TCAIM: variants seen among roughly 807,000 people sequenced by gnomAD.
TCAIM encodes T cell activation inhibitor, mitochondrial, also known as T-cell activation inhibitor, mitochondrial.
TCAIM carries 36 observed loss-of-function variants against 58.6 expected under a neutral mutation model. The observed-to-expected ratio is 0.61, with a 90% confidence interval of 0.47 to 0.81. The LOEUF is 0.81. TCAIM is among the 30% of genes least tolerant of loss of function. The pLI is 0.00. For synonymous variants in TCAIM, 172 were observed against 193.6 expected (o/e 0.89, Z 0.93); for missense variants, 466 against 579.6 (o/e 0.80, Z 2.01).
At chr3:44,406,344 C>A (rs983472621) in intron 10 of TCAIM, among the ~76,000 whole-genome samples, 1 of 152,212 alleles carries the variant, frequency 6.6e-6, no homozygotes, top group Non-Finnish European at 1.5e-5. Context: ...GAAAAAGTTA[C>A]TCATCCCCTG....
intron 6 of TCAIM, among the ~76,000 whole-genome samples, chr3:44,395,078 A>G (rs1701913412): frequency 1.3e-5 from 2 of 150,184 alleles, no homozygotes; most frequent in East Asian, 1.9e-4. Flanking sequence ...AAATTAGCCA[A>G]AACTCCAGCA....
At chr3:44,343,428 C>T (rs1700896439) in intron 1 of TCAIM, among the ~76,000 whole-genome samples, 1 of 152,072 alleles carries the variant, frequency 6.6e-6, no homozygotes, top group Non-Finnish European at 1.5e-5. Flanking sequence ...TTTCTAAAAA[C>T]TAGATGTTTT....
chr3:44,368,056 C>T (rs774873489), intron 5 of TCAIM, among the ~76,000 whole-genome samples: 1 of 152,128 alleles, frequency 6.6e-6, no homozygotes, highest in Non-Finnish European at 1.5e-5. Flanking sequence ...TAAGACTATA[C>T]AAATATTTTT....
At chr3:44,370,845 GA>G (rs1701456211) in intron 5 of TCAIM, among the ~76,000 whole-genome samples, 1 of 149,180 alleles carries the variant, frequency 6.7e-6, no homozygotes, top group African/African-American at 2.5e-5. Flanking sequence ...GGGCTCAAGT[GA>G]TCCTCCCGCC....
In TCAIM at chr3:44,359,102, A is replaced by G. The variant is rs564922249; in HGVS notation, c.165+1226A>G. On this transcript the variant is annotated intron_variant, in intron 3 of 10. Coordinates refer to ENST00000342649, the MANE Select transcript of TCAIM (RefSeq NM_173826.4). ...TATTTTTTTTAATTAAGACTTCTGTATGCAGCAGGGCATGGTGGCACACCT... is the reference window on the plus strand; with the variant it reads ...TATTTTTTTTAATTAAGACTTCTGTGTGCAGCAGGGCATGGTGGCACACCT... 6 of 981,282 alleles carry G rather than the reference A, an allele frequency of 6.1e-6. No individual in the cohort carries two copies. In the African/African-American group the frequency reaches 1.0e-4, roughly 17 times the overall value. 60.8% of individuals were successfully genotyped at this position (981,282 alleles called of 1,614,324 possible).
chr3:44,399,245 G>A (rs1405320816), intron 8 of TCAIM, among the ~76,000 whole-genome samples: 2 of 152,060 alleles, frequency 1.3e-5, no homozygotes, highest in Non-Finnish European at 1.5e-5. Flanking sequence ...TGTATAAGAT[G>A]TACTATTAAG....
chr3:44,361,673 A>T (rs1701298255), intron 4 of TCAIM, among the ~76,000 whole-genome samples, 155 bp downstream of exon 4: 1 of 152,182 alleles, frequency 6.6e-6, no homozygotes, highest in Non-Finnish European at 1.5e-5. Context: ...TTCTATTCCT[A>T]CCTGCATATG....
intron 3 of TCAIM, among the ~76,000 whole-genome samples, chr3:44,360,650 G>A (rs531082108): frequency 2.7e-5 from 4 of 150,678 alleles, no homozygotes; most frequent in East Asian, 2.0e-4. Context: ...TCACCCAGGC[G>A]GGGAGTGTGG....
chr3:44,365,698 C>A (rs1035697934), intron 4 of TCAIM, among the ~76,000 whole-genome samples: 1 of 152,192 alleles, frequency 6.6e-6, no homozygotes, highest in South Asian at 2.1e-4. Flanking sequence ...AGAGAACTTT[C>A]TGTGATGAGG....
At chr3:44,383,809 C>CAAAAAAAA (rs71089100) in intron 5 of TCAIM, among the ~76,000 whole-genome samples, 6 of 95,386 alleles carry the variant, frequency 6.3e-5, no homozygotes, top group East Asian at 3.1e-4. Flanking sequence ...CCTGTCTCTA[C>CAAAAAAAA]AAAAAAAAAA....
chr3:44,358,189 C>A (rs1223510512), intron 3 of TCAIM: 34 of 1,556,828 alleles, frequency 2.2e-5, no homozygotes, highest in Non-Finnish European at 2.9e-5. Flanking sequence ...TTATCATGAT[C>A]AATCTCTCTC....
rs148638813 is a variant in TCAIM at position 44,389,034 on chromosome 3, G to C, written c.573-3821G>C. Among the ~76,000 whole-genome samples, 155 of 152,350 alleles carry C rather than the reference G, an allele frequency of 1.0e-3. 1 individual carries two copies. The Middle Eastern group carries it at 0.031, about 30-fold the overall frequency. The stretch of plus-strand genomic sequence containing the variant: ...AAAGCCCGGCCGGTGGCTTACGCCT[G>C]TAATCCCGGCACTTTGGGAGGCCGA... On this transcript the variant is annotated intron_variant, in intron 5 of 10. Coordinates refer to ENST00000342649, the MANE Select transcript of TCAIM (RefSeq NM_173826.4).
At chr3:44,338,230 AT>A (rs1700758335), upstream of TCAIM, 1 of 152,268 alleles carries the variant, frequency 6.6e-6, no homozygotes, top group Non-Finnish European at 1.5e-5. Flanking sequence ...CCGGACCATC[AT>A]TTTCCGAGTC....
chr3:44,404,988 C>A (rs1702077634), intron 10 of TCAIM, among the ~76,000 whole-genome samples: 1 of 151,958 alleles, frequency 6.6e-6, no homozygotes, highest in Admixed American at 6.6e-5. Context: ...GGGAAAAAAC[C>A]CACACTATTC....
At chr3:44,384,094 CTA>C (rs1163799176) in intron 5 of TCAIM, among the ~76,000 whole-genome samples, 2 of 152,090 alleles carry the variant, frequency 1.3e-5, no homozygotes, top group Admixed American at 6.5e-5. Context: ...TGAGATTTCT[CTA>C]TTTCTTTTAT....
chr3:44,401,256 T>C lies in TCAIM; in HGVS notation c.1172T>C (p.Leu391Pro), dbSNP rs745412021. 13 of 1,614,046 alleles carry C rather than the reference T, an allele frequency of 8.1e-6. No homozygotes were observed. Among genetic ancestry groups the C allele is most frequent in the Middle Eastern group, 1.7e-4 (1 of 6,060 alleles). Residue 391 changes from leucine to proline, a missense_variant, in exon 10 of 11, where the codon CTC becomes CCC. Coordinates refer to ENST00000342649, the MANE Select transcript of TCAIM (RefSeq NM_173826.4). The part of the protein sequence containing the change: ...HELGHFNIPT[L>P]CDPANLQWFI... The stretch of plus-strand genomic sequence containing the variant: ...CTCGGGCATTTTAATATTCCAACAC[T>C]CTGTGATCCAGCAAATCTCCAGTGG...
In TCAIM at chr3:44,361,875, A is replaced by G. The variant is rs116489015; in HGVS notation, c.319+357A>G. Among the ~76,000 whole-genome samples the G allele has an allele frequency of 2.4e-3, 373 of 152,308 alleles. 2 individuals carry two copies. The highest frequency in any genetic ancestry group is 4.5e-3 in the Non-Finnish European group (309 of 68,022). ...CTCTGAGGCTGGTAGTACTTACCCA[A>G]TTGTAACTTAGTGATGTTCAGTGCC... On this transcript the variant is annotated intron_variant, in intron 4 of 10. Coordinates refer to ENST00000342649, the MANE Select transcript of TCAIM (RefSeq NM_173826.4).
intron 10 of TCAIM, 81 bp downstream of exon 10, chr3:44,401,415 G>A: frequency 6.5e-7 from 1 of 1,549,268 alleles, no homozygotes; most frequent in Admixed American, 1.8e-5. Flanking sequence ...ATAAATATGG[G>A]ACCTGGAAAC....
intron 10 of TCAIM, among the ~76,000 whole-genome samples, chr3:44,403,083 A>G (rs1702046411): frequency 6.6e-6 from 1 of 152,192 alleles, no homozygotes; most frequent in East Asian, 1.9e-4. Flanking sequence ...AGCCTGGCCA[A>G]CATGGTGAAA....
Sources: allele counts gnomAD v4.1 joint callset (sites outside exome capture counted in the v4.1 genomes callset), GRCh38; gene constraint gnomAD v4.1.1; transcripts MANE v1.5; gene names NCBI Gene and HGNC (gene_info 2026-07-23, HGNC 2026-07-21).